Variants in SLC19A3 observed in about 807,000 individuals in gnomAD.
SLC19A3 encodes solute carrier family 19 member 3.
SLC19A3 carries 31 observed loss-of-function variants against 40.2 expected under a neutral mutation model. The observed-to-expected ratio is 0.77, with a 90% CI of 0.58 to 1.04. SLC19A3 has a LOEUF of 1.04. Ranked by LOEUF, SLC19A3 falls within the 50% of genes least tolerant of loss-of-function variation. The pLI is 0.00. For missense variants in SLC19A3, 592 were observed against 596.7 expected, an observed-to-expected ratio of 0.99 and a Z score of 0.08; for synonymous variants, 212 against 227.5, an observed-to-expected ratio of 0.93 and a Z score of 0.61.
rs1695542867 is a variant in SLC19A3 at position 227,698,743 on chromosome 2, G to T, written c.972C>A (p.Thr324=). 4 of 1,613,136 alleles carry T rather than the reference G, an allele frequency of 2.5e-6. No individual in the cohort carries two copies. Among genetic ancestry groups the T allele is most frequent in the Non-Finnish European group, 3.4e-6 (4 of 1,179,678 alleles). Residue 324 remains threonine (T), a synonymous_variant, in exon 3 of 6, where the codon ACC becomes ACA. Transcript: ENST00000644224. ...TAAGTGACATTTGCTTACCTCCAAA[G>T]GTTGCAATAGCTTCTACGGCCCCAT... is the stretch of plus-strand genomic sequence containing the variant. ...IYNGAVEAIA[T]FGGAVAAFAV... is the part of the protein sequence containing the mutation.
intron 1 of SLC19A3, 138 bp downstream of exon 1, chr2:227,717,805 G>T (rs1415890734): frequency 6.4e-6 from 4 of 627,666 alleles, no homozygotes; most frequent in African/African-American, 6.0e-5. Flanking sequence ...CTCCTCACGC[G>T]GCTCAGAGTG....
At chr2:227,689,262 G>A (rs190769598) in intron 4 of SLC19A3, among the ~76,000 whole-genome samples, 8 of 152,042 alleles carry the variant, frequency 5.3e-5, no homozygotes, top group Admixed American at 2.0e-4. Flanking sequence ...CAAGGACAAG[G>A]TTACAGAACA....
At chr2:227,701,125 C>A in intron 2 of SLC19A3, 1 of 1,273,254 alleles carries the variant, frequency 7.9e-7, no homozygotes, top group Non-Finnish European at 1.0e-6. Flanking sequence ...AACTCGGAAA[C>A]AGGGTTGTCC....
intron 1 of SLC19A3, among the ~76,000 whole-genome samples, chr2:227,717,120 A>G (rs976862015): frequency 6.8e-6 from 1 of 148,014 alleles, no homozygotes; most frequent in Non-Finnish European, 1.5e-5. Context: ...CTTCAGCCTC[A>G]GCCTCCAGTG....
intron 3 of SLC19A3, among the ~76,000 whole-genome samples, chr2:227,697,350 A>T (rs1254356501): frequency 6.6e-6 from 1 of 152,186 alleles, no homozygotes; most frequent in Non-Finnish European, 1.5e-5. Flanking sequence ...CTCACTTCCT[A>T]AAAAATATCT....
chr2:227,695,749 G>A, intron 4 of SLC19A3, 140 bp downstream of exon 4: 8 of 818,358 alleles, frequency 9.8e-6, no homozygotes, highest in Non-Finnish European at 1.4e-5. Context: ...AGTTGGCTTA[G>A]TTGTGTCTAA....
At chr2:227,711,769 G>C (rs951814300) in intron 1 of SLC19A3, among the ~76,000 whole-genome samples, 7 of 152,032 alleles carry the variant, frequency 4.6e-5, no homozygotes, top group Admixed American at 2.0e-4. Flanking sequence ...TGGAAAGGAG[G>C]CTGGGCACCG....
intron 1 of SLC19A3, among the ~76,000 whole-genome samples, chr2:227,709,788 T>C (rs954042996): frequency 1.3e-5 from 2 of 152,142 alleles, no homozygotes; most frequent in Admixed American, 6.5e-5. Flanking sequence ...AATCACTTTA[T>C]CAAGTCCTCG....
At chr2:227,696,167 G>A (rs1382447781) in intron 3 of SLC19A3, 86 bp from the exon 4 acceptor site, 27 of 1,269,108 alleles carry the variant, frequency 2.1e-5, no homozygotes, top group South Asian at 2.5e-5. Context: ...CCCAGGTCTC[G>A]GGTAATTCTG....
intron 1 of SLC19A3, among the ~76,000 whole-genome samples, chr2:227,714,255 C>T (rs115771458): frequency 2.0e-5 from 3 of 152,204 alleles, no homozygotes; most frequent in African/African-American, 7.2e-5. Context: ...GCAAGGCCTC[C>T]GTATAATAGG....
intron 4 of SLC19A3, 42 bp from the exon 5 acceptor site, chr2:227,688,349 T>G: frequency 6.3e-7 from 1 of 1,587,334 alleles, no homozygotes; most frequent in African/African-American, 1.3e-5. Context: ...ATAATATACA[T>G]GGATGGAAGT....
intron 1 of SLC19A3, among the ~76,000 whole-genome samples, chr2:227,709,937 G>C (rs1010135151): frequency 9.9e-5 from 15 of 152,034 alleles, no homozygotes; most frequent in African/African-American, 3.4e-4. Context: ...TGAAAAAATG[G>C]GGGAGGAGTT....
intron 4 of SLC19A3, chr2:227,695,436 C>A (rs1254681574): frequency 1.6e-5 from 3 of 186,920 alleles, no homozygotes; most frequent in African/African-American, 7.2e-5. Flanking sequence ...AACCCCATCT[C>A]TACAAAATAC....
chr2:227,700,452 C>T (rs763726537), intron 2 of SLC19A3, among the ~76,000 whole-genome samples: 21 of 151,880 alleles, frequency 1.4e-4, no homozygotes, highest in African/African-American at 5.1e-4. Flanking sequence ...GCAGGAGAAT[C>T]GCTTGAACCC....
At chr2:227,693,833 A>G (rs116471776) in intron 4 of SLC19A3, among the ~76,000 whole-genome samples, 6,292 of 152,232 alleles carry the variant, frequency 0.041, 428 homozygotes, top group African/African-American at 0.14. Flanking sequence ...GTGACAAGGG[A>G]TTAAAAACCA....
Position 227,699,313 on chromosome 2 carries a change from C to G in SLC19A3, c.402G>C (p.Glu134Asp), listed in dbSNP as rs1695577939. Residue 134 changes from glutamate to aspartate, a missense_variant, in exon 3 of 6, where the codon GAG becomes GAC. Transcript: ENST00000644224. ...YAYIYSVVSPEHYQRVSGYCR... is the reference protein window; with the variant it reads ...YAYIYSVVSPDHYQRVSGYCR... ...AGTAGCCGCTCACTCTCTGGTAGTG[C>G]TCGGGGCTGACCACGCTGTATATGT... 1.2e-6 allele frequency: 2 copies of G among 1,614,170 alleles called. No individual in the cohort carries two copies. Among genetic ancestry groups the G allele is most frequent in the Admixed American group, 1.7e-5 (1 of 60,022 alleles).
At chr2:227,698,705 A>G (rs774569770) in intron 3 of SLC19A3, 31 bp downstream of exon 3, 21 of 1,591,484 alleles carry the variant, frequency 1.3e-5, no homozygotes, top group Non-Finnish European at 1.7e-5. Context: ...GGGTAAAGCC[A>G]ACAAAGGAAG....
rs1219157732 is a variant in SLC19A3, at chr2:227,703,722, A to G, written c.-2-1402T>C. 6.6e-6 allele frequency among the ~76,000 whole-genome samples: 1 copy of G among 152,136 alleles called. No homozygotes were observed. Among genetic ancestry groups the G allele is most frequent in the East Asian group, 1.9e-4 (1 of 5,178 alleles). ...AAATGGCTGTCCTGGACAGGTGATC[A>G]CTGAGGCTTGGTCATCTTCTGAAGA... On this transcript the variant is annotated intron_variant, in intron 1 of 5. Coordinates refer to ENST00000644224, the MANE Select transcript of SLC19A3 (RefSeq NM_025243.4). The surrounding 1 kb of genome is among the most constrained non-coding windows in gnomAD (Gnocchi z 4.7).
intron 2 of SLC19A3, among the ~76,000 whole-genome samples, chr2:227,700,266 T>G (rs374981661): frequency 5.9e-5 from 9 of 151,844 alleles, no homozygotes; most frequent in African/African-American, 2.2e-4. Flanking sequence ...AGGCCAGGCA[T>G]GGTGGCTCAC....
Sources: gnomAD v4.1 joint callset for allele counts (sites outside exome capture counted in the v4.1 genomes callset) on GRCh38, gnomAD v4.1.1 for gene constraint, Gnocchi (gnomAD v3.1) non-coding constraint, MANE v1.5 for transcripts, NCBI Gene and HGNC (gene_info 2026-07-23, HGNC 2026-07-21) for gene names.